Variants in NAALADL2 observed in about 807,000 individuals in gnomAD.
NAALADL2 encodes N-acetylated alpha-linked acidic dipeptidase like 2.
In NAALADL2, 76 loss-of-function variants were observed where a neutral mutation model predicts 87.2. That is an observed-to-expected ratio of 0.87 (90% CI 0.72 to 1.05). The LOEUF is 1.05. Ranked by LOEUF, NAALADL2 falls within the 50% of genes least tolerant of loss-of-function variation. NAALADL2 has a pLI of 0.00. For synonymous variants in NAALADL2, 354 were observed against 331.0 expected, an observed-to-expected ratio of 1.07 and a Z score of -0.75; for missense variants, 1,089 against 945.8, an observed-to-expected ratio of 1.15 and a Z score of -1.99.
chr3:175,015,062 A>G (rs1308512007), intron 1 of NAALADL2, among the ~76,000 whole-genome samples: 6 of 152,130 alleles, frequency 3.9e-5, no homozygotes, highest in Non-Finnish European at 1.5e-5. Flanking sequence ...GGGATTACAA[A>G]CAAGTCAATT....
At chr3:174,750,653 C>G (rs975939336) in intron 3 of NAALADL2, among the ~76,000 whole-genome samples, 1 of 152,022 alleles carries the variant, frequency 6.6e-6, no homozygotes, top group Non-Finnish European at 1.5e-5. Context: ...AGGCTAGTCT[C>G]GAACTCCTGA....
At chr3:174,505,649 T>C (rs1719154533) in intron 1 of NAALADL2, among the ~76,000 whole-genome samples, 1 of 152,174 alleles carries the variant, frequency 6.6e-6, no homozygotes, top group African/African-American at 2.4e-5. Flanking sequence ...TAGTAGGTCC[T>C]TAAGTAGCAT....
At position 175,806,385 on chromosome 3, in the gene NAALADL2, A is replaced by G. The variant is rs1485113025; in HGVS notation, c.*3182A>G. On this transcript the variant is annotated 3_prime_UTR_variant, in exon 14 of 14. Transcript: ENST00000454872. ...AAATCACCGTTTCTCAAAATGTGAA[A>G]TTTAGAAAGACAGGGCTAGGAATCT... The G allele has an allele frequency of 6.6e-6, 1 of 151,966 alleles. No homozygotes were observed. Among genetic ancestry groups the G allele is most frequent in the Non-Finnish European group, 1.5e-5 (1 of 67,912 alleles). The allele number at this position is 151,966 out of a possible 1,614,324, so 9.4% of individuals were successfully genotyped here. A position where few individuals can be genotyped will look rare whatever the true frequency, so the allele number is the denominator to read the frequency against.
intron 1 of NAALADL2, among the ~76,000 whole-genome samples, chr3:174,456,060 C>A (rs1715811956): frequency 1.3e-5 from 2 of 152,064 alleles, no homozygotes; most frequent in African/African-American, 2.4e-5. Context: ...TTCCTATACA[C>A]CAACAACTGT....
chr3:175,742,177 C>T (rs115217269), intron 12 of NAALADL2, among the ~76,000 whole-genome samples: 2,296 of 152,234 alleles, frequency 0.015, 27 homozygotes, highest in Non-Finnish European at 0.023. Flanking sequence ...CTGTCCTTGT[C>T]CACAAGGAAT....
chr3:175,128,555 T>C (rs372807882), intron 2 of NAALADL2, among the ~76,000 whole-genome samples: 1 of 152,158 alleles, frequency 6.6e-6, no homozygotes, highest in African/African-American at 2.4e-5. Context: ...GCAGAGAAGA[T>C]TGGAAAAATG....
At chr3:175,083,213 G>A (rs915962099) in intron 1 of NAALADL2, among the ~76,000 whole-genome samples, 8 of 152,030 alleles carry the variant, frequency 5.3e-5, no homozygotes, top group African/African-American at 1.4e-4. Flanking sequence ...CTGTTCCCCC[G>A]GAAACAACCT....
At chr3:174,712,087 C>A (rs751854887) in intron 2 of NAALADL2, among the ~76,000 whole-genome samples, 1 of 151,984 alleles carries the variant, frequency 6.6e-6, no homozygotes, top group African/African-American at 2.4e-5. Flanking sequence ...GCGCCCTGGC[C>A]TAACATATGA....
chr3:175,683,065 T>G (rs1735801966), intron 11 of NAALADL2, among the ~76,000 whole-genome samples: 1 of 151,756 alleles, frequency 6.6e-6, no homozygotes, highest in Non-Finnish European at 1.5e-5. Context: ...TTGTGAGAGG[T>G]GATACAAGAA....
At chr3:174,591,778 GA>G (rs1211048122) in intron 2 of NAALADL2, among the ~76,000 whole-genome samples, 1 of 152,172 alleles carries the variant, frequency 6.6e-6, no homozygotes, top group Non-Finnish European at 1.5e-5. Flanking sequence ...ACAAGGCACA[GA>G]CATCTATAAA....
intron 1 of NAALADL2, among the ~76,000 whole-genome samples, chr3:174,893,676 G>A (rs528337578): frequency 6.6e-6 from 1 of 152,234 alleles, no homozygotes; most frequent in African/African-American, 2.4e-5. Context: ...GTATTTGCAA[G>A]CCTCATGGTA....
At chr3:174,788,957 G>A (rs574344978) in intron 3 of NAALADL2, among the ~76,000 whole-genome samples, 1 of 152,252 alleles carries the variant, frequency 6.6e-6, no homozygotes, top group East Asian at 1.9e-4. Context: ...GCCCACTTTA[G>A]GGAAGAGTTT....
At chr3:175,781,641 A>G (rs986685387) in intron 13 of NAALADL2, among the ~76,000 whole-genome samples, 1 of 144,202 alleles carries the variant, frequency 6.9e-6, no homozygotes, top group Non-Finnish European at 1.5e-5. Flanking sequence ...GTTTGTTTGT[A>G]TTTTCATTTT....
chr3:174,861,560 C>G (rs1726508425), intron 1 of NAALADL2, among the ~76,000 whole-genome samples: 1 of 152,054 alleles, frequency 6.6e-6, no homozygotes, highest in Non-Finnish European at 1.5e-5. Context: ...GTGGAAATAA[C>G]TATGTTAAAA....
At position 175,294,648 on chromosome 3, in the gene NAALADL2, T is replaced by A. The variant is rs112335065; in HGVS notation, c.940-29527T>A. ...ACTGTTTAACTCTAAAGTTTAAAATTATCTGTAGTTTCAAAAAAAATAAGT... is the reference window on the plus strand; with the variant it reads ...ACTGTTTAACTCTAAAGTTTAAAATAATCTGTAGTTTCAAAAAAAATAAGT... On this transcript the variant is annotated intron_variant, in intron 4 of 13. Coordinates refer to ENST00000454872, the MANE Select transcript of NAALADL2 (RefSeq NM_207015.3). Among the ~76,000 whole-genome samples, 379 of 152,322 alleles carry A rather than the reference T, an allele frequency of 2.5e-3. 1 individual carries two copies. The highest frequency in any genetic ancestry group is 8.7e-3 in the African/African-American group (363 of 41,586).
chr3:174,512,288 A>G (rs151278864), intron 1 of NAALADL2, among the ~76,000 whole-genome samples: 51 of 152,166 alleles, frequency 3.4e-4, no homozygotes, highest in African/African-American at 1.1e-3. Flanking sequence ...ATTGTCTTTG[A>G]TAGTTTCTGA....
intron 1 of NAALADL2, among the ~76,000 whole-genome samples, chr3:174,933,378 C>G (rs77018997): frequency 5.9e-5 from 9 of 152,134 alleles, no homozygotes; most frequent in Non-Finnish European, 1.2e-4. Flanking sequence ...GCTGTGATTA[C>G]AAATGGGTCT....
intron 2 of NAALADL2, among the ~76,000 whole-genome samples, chr3:174,699,642 C>G (rs1729366272): frequency 6.6e-6 from 1 of 152,020 alleles, no homozygotes; most frequent in African/African-American, 2.4e-5. Context: ...TTATTTATGA[C>G]ATTATATTTA....
At chr3:174,885,560 T>G in intron 1 of NAALADL2, among the ~76,000 whole-genome samples, 1 of 152,068 alleles carries the variant, frequency 6.6e-6, no homozygotes, top group Non-Finnish European at 1.5e-5. Context: ...CTCTAAACAG[T>G]TTATGCCAAG....
Sources: allele counts gnomAD v4.1 joint callset (sites outside exome capture counted in the v4.1 genomes callset), GRCh38; gene constraint gnomAD v4.1.1; transcripts MANE v1.5; gene names NCBI Gene and HGNC (gene_info 2026-07-23, HGNC 2026-07-21).